Variants in YPEL1 observed in about 807,000 individuals in gnomAD.
The protein encoded by YPEL1 is yippee like 1.
In YPEL1, 7 loss-of-function variants were observed where a neutral mutation model predicts 17.3. That is an observed-to-expected ratio of 0.40 (90% CI 0.23 to 0.76). The LOEUF (loss-of-function observed/expected upper bound fraction) is 0.76. Among genes scored for constraint, YPEL1 ranks in the 30% least tolerant of loss-of-function variants. The pLI is 0.35. For synonymous variants in YPEL1, 59 were observed against 59.6 expected, an observed-to-expected ratio of 0.99 and a Z score of 0.05; for missense variants, 91 against 155.5, an observed-to-expected ratio of 0.59 and a Z score of 2.21.
chr22:21,727,989 G>A (rs1373076813), intron 1 of YPEL1, among the ~76,000 whole-genome samples: 3 of 152,210 alleles, frequency 2.0e-5, no homozygotes, highest in Non-Finnish European at 4.4e-5. Flanking sequence ...AGGAGAACTG[G>A]GGCGTCTGCT....
At chr22:21,728,563 C>A (rs981421797) in intron 1 of YPEL1, among the ~76,000 whole-genome samples, 54 of 152,112 alleles carry the variant, frequency 3.6e-4, no homozygotes, top group Non-Finnish European at 2.9e-5. Context: ...ACCTGAGCAC[C>A]CAAGGTTGCA....
chr22:21,734,660 G>A (rs1250298800), intron 1 of YPEL1, among the ~76,000 whole-genome samples: 1 of 152,160 alleles, frequency 6.6e-6, no homozygotes, highest in African/African-American at 2.4e-5. Flanking sequence ...AGAGCCCTGA[G>A]GGGGACCAGT....
At chr22:21,731,550 A>AAC (rs1169528330) in intron 1 of YPEL1, among the ~76,000 whole-genome samples, 6 of 151,670 alleles carry the variant, frequency 4.0e-5, no homozygotes, top group African/African-American at 9.7e-5. Context: ...AAAAAAAAAA[A>AAC]AAAAAACAGA....
At chr22:21,727,762 T>C (rs1601642886) in intron 1 of YPEL1, among the ~76,000 whole-genome samples, 1 of 152,172 alleles carries the variant, frequency 6.6e-6, no homozygotes, top group South Asian at 2.1e-4. Flanking sequence ...CACTGGGTCG[T>C]CGCCCCATCC....
chr22:21,703,429 G>T lies in YPEL1; in HGVS notation c.211C>A (p.Leu71Met). 1 of 1,613,040 alleles carries T rather than the reference G, an allele frequency of 6.2e-7. No homozygotes were observed. The change falls in exon 4 of 5, where the codon CTG (leucine) becomes ATG (methionine). Residue 71 changes from leucine (L) to methionine (M), a missense_variant. Physicochemically the swap from Leu to Met is conservative, Grantham distance 15. Coordinates refer to ENST00000339468, the MANE Select transcript of YPEL1 (RefSeq NM_013313.5). The surrounding 1 kb of genome is among the most constrained non-coding windows in gnomAD (Gnocchi z 6.1). ...CAGTAGATGTCGGCAACCGCATGCA[G>T]CCCGGTGAGAAGGACCCTCTCCTCT... Reference protein sequence around the residue: ...PAEERVLLTGLHAVADIYCEN... With the variant: ...PAEERVLLTGMHAVADIYCEN...
At chr22:21,722,622 C>CA (rs142982142) in intron 1 of YPEL1, among the ~76,000 whole-genome samples, 20,162 of 138,032 alleles carry the variant, frequency 0.15, 1,651 homozygotes, top group Middle Eastern at 0.21. Context: ...GTCTCGGGGG[C>CA]AAAAAAAAAA....
At chr22:21,715,744 A>G (rs1569062014) in intron 1 of YPEL1, among the ~76,000 whole-genome samples, 1 of 86,106 alleles carries the variant, frequency 1.2e-5, no homozygotes, top group Non-Finnish European at 2.5e-5. Flanking sequence ...ACCACACCTA[A>G]TTTTTCTTTT....
chr22:21,709,475 G>A (rs1470764035), intron 2 of YPEL1, among the ~76,000 whole-genome samples: 3 of 152,130 alleles, frequency 2.0e-5, no homozygotes, highest in African/African-American at 7.2e-5. Context: ...GAGTTAAACA[G>A]GAAACCTAAG....
chr22:21,704,858 C>T (rs545275603), intron 2 of YPEL1, among the ~76,000 whole-genome samples: 23 of 152,276 alleles, frequency 1.5e-4, no homozygotes, highest in African/African-American at 2.6e-4. Context: ...TCACTCCCCA[C>T]GACCTTTGCC....
chr22:21,709,819 G>A (rs186593091), intron 2 of YPEL1, among the ~76,000 whole-genome samples: 13 of 150,162 alleles, frequency 8.7e-5, no homozygotes, highest in African/African-American at 2.7e-4. Flanking sequence ...GTAATGATCC[G>A]TGAGGATGGG....
rs1369879953 is a variant in YPEL1 at position 21,698,492 on chromosome 22, T to C, written c.*2637A>G. On this transcript the variant is annotated 3_prime_UTR_variant, in exon 5 of 5. Transcript: ENST00000339468. Reference sequence around the variant, plus strand: ...TCTTGAGTCACTCAGGACTTGGCTGTCCTCGCACCCGTGGCAGGCTGGGGA... The same window carrying C: ...TCTTGAGTCACTCAGGACTTGGCTGCCCTCGCACCCGTGGCAGGCTGGGGA... 6.6e-6 allele frequency: 1 copy of C among 152,326 alleles called. No homozygotes were observed. Among genetic ancestry groups the C allele is most frequent in the East Asian group, 1.9e-4 (1 of 5,334 alleles). 9.4% of individuals were successfully genotyped at this position (152,326 alleles called of 1,614,324 possible).
chr22:21,717,716 G>A (rs185741026), intron 1 of YPEL1, among the ~76,000 whole-genome samples: 13 of 152,326 alleles, frequency 8.5e-5, no homozygotes, highest in African/African-American at 3.1e-4. Context: ...CTGTTCAACA[G>A]AACAAGCTCC....
rs2068082466 is a variant in YPEL1, at chr22:21,703,219, G to A, written c.270+151C>T. ...GGCAGTGGTGAGACCATGCCTCACT[G>A]GAGTCTGGACTTCCCACCTCGGCTG... On this transcript the variant is annotated intron_variant, in intron 4 of 4. Coordinates refer to ENST00000339468, the MANE Select transcript of YPEL1 (RefSeq NM_013313.5). The surrounding 1 kb of genome is among the most constrained non-coding windows in gnomAD (Gnocchi z 6.1). The A allele has an allele frequency of 3.0e-6, 2 of 673,646 alleles. No homozygotes were observed. The highest frequency in any genetic ancestry group is 5.3e-6 in the Non-Finnish European group (2 of 380,720). 41.7% of individuals were successfully genotyped at this position (673,646 alleles called of 1,614,324 possible).
At chr22:21,717,138 G>C (rs931349743) in intron 1 of YPEL1, among the ~76,000 whole-genome samples, 4 of 106,690 alleles carry the variant, frequency 3.7e-5, no homozygotes, top group Middle Eastern at 5.9e-3. Context: ...GGCCGGGGCT[G>C]GGGGGGCGGG....
chr22:21,710,568 GTAGGT>G, intron 2 of YPEL1, 55 bp downstream of exon 2: 1 of 1,350,794 alleles, frequency 7.4e-7, no homozygotes. Context: ...CTTCCACTAT[GTAGGT>G]ACCACAATGA....
In YPEL1 at chr22:21,720,813, G is replaced by GTTT. The variant is rs60040471; in HGVS notation, c.-164-9908_-164-9906dup. Among the ~76,000 whole-genome samples the GTTT allele has an allele frequency of 5.9e-4, 71 of 120,424 alleles. 2 individuals carry two copies. Among genetic ancestry groups the GTTT allele is most frequent in the African/African-American group, 1.4e-3 (43 of 31,552 alleles). The allele number at this position is 120,424 out of a possible 152,430, so 79.0% of individuals were successfully genotyped here. A position where few individuals can be genotyped will look rare whatever the true frequency, so the allele number is the denominator to read the frequency against. ...TGAGCCACCATGCCTGGCCGATTTTGTTTTTTTTTTTTTTTTTGAGAGTCT... is the reference window on the plus strand; with the variant it reads ...TGAGCCACCATGCCTGGCCGATTTTGTTTTTTTTTTTTTTTTTTTTGAGAGTCT... On this transcript the variant is annotated intron_variant, in intron 1 of 4. Transcript: ENST00000339468.
rs146133641 is a variant in YPEL1 at position 21,707,417 on chromosome 22, A to AAAC, written c.117+3208_117+3210dup. Among the ~76,000 whole-genome samples, 363 of 152,290 alleles carry AAAC rather than the reference A, an allele frequency of 2.4e-3. 8 individuals are homozygous for AAAC. The East Asian group carries it at 0.055, about 23-fold the overall frequency. The stretch of plus-strand genomic sequence containing the variant: ...GGGCGACAAAGCAAGGCTCCATCTC[A>AAAC]AACAACAACAACAGCAACAACAAAA... On this transcript the variant is annotated intron_variant, in intron 2 of 4. Transcript: ENST00000339468.
chr22:21,710,968 C>A, intron 1 of YPEL1, 60 bp from the exon 2 acceptor site: 2 of 537,732 alleles, frequency 3.7e-6, no homozygotes, highest in Non-Finnish European at 6.7e-6. Flanking sequence ...GAAGCAGGTA[C>A]ATATGGGATT....
chr22:21,718,910 TAA>T (rs2068253803), intron 1 of YPEL1, among the ~76,000 whole-genome samples: 1 of 152,176 alleles, frequency 6.6e-6, no homozygotes, highest in South Asian at 2.1e-4. Context: ...CCCCAAACCT[TAA>T]ACTCTTTTTC....
Sources: allele counts gnomAD v4.1 joint callset (sites outside exome capture counted in the v4.1 genomes callset), GRCh38; gene constraint gnomAD v4.1.1; non-coding constraint Gnocchi (gnomAD v3.1); transcripts MANE v1.5; gene names NCBI Gene and HGNC (gene_info 2026-07-23, HGNC 2026-07-21).